The following MCTP1 variants were observed in gnomAD, a reference collection of about 807,000 sequenced individuals.
MCTP1 encodes the protein multiple C2 and transmembrane domain containing 1, also known as multiple C2 and transmembrane domain-containing protein 1.
In MCTP1, 69 loss-of-function variants were observed where a neutral mutation model predicts 120.6. That is an observed-to-expected ratio of 0.57 (90% CI 0.47 to 0.70). The LOEUF (loss-of-function observed/expected upper bound fraction) is 0.70. MCTP1 is among the 30% of genes least tolerant of loss of function. The pLI, the probability that MCTP1 is intolerant of heterozygous loss-of-function variation, is 0.00. For synonymous variants in MCTP1, 529 were observed against 493.1 expected, an observed-to-expected ratio of 1.07 and a Z score of -0.96; for missense variants, 1,203 against 1,248.8, an observed-to-expected ratio of 0.96 and a Z score of 0.55.
chr5:94,953,370 TAG>T lies in MCTP1; in HGVS notation c.839-11_839-10del, dbSNP rs777645904. The T allele has an allele frequency of 1.3e-6, 2 of 1,584,522 alleles. No individual in the cohort carries two copies. The highest frequency in any genetic ancestry group is 4.6e-5 in the East Asian group (2 of 43,862). On this transcript the variant is annotated splice_polypyrimidine_tract_variant and intron_variant, in intron 2 of 22. Transcript: ENST00000515393. ...ATATGGATCACTCGTCCCTGTTAAA[TAG>T]ATAGATTGATCCATGTTAATCATGA...
At chr5:94,760,431 AT>A (rs1375092210) in intron 19 of MCTP1, among the ~76,000 whole-genome samples, 1 of 152,222 alleles carries the variant, frequency 6.6e-6, no homozygotes, top group African/African-American at 2.4e-5. Context: ...ATATTCGTTT[AT>A]CATATTGCCT....
chr5:95,135,282 G>A (rs929447204), intron 1 of MCTP1, among the ~76,000 whole-genome samples: 2 of 152,062 alleles, frequency 1.3e-5, no homozygotes, highest in Non-Finnish European at 1.5e-5. Flanking sequence ...CACAAAGAAA[G>A]AAAGAAAAAT....
At chr5:94,978,269 A>G (rs1828559750) in intron 2 of MCTP1, among the ~76,000 whole-genome samples, 1 of 152,150 alleles carries the variant, frequency 6.6e-6, no homozygotes, top group Non-Finnish European at 1.5e-5. Context: ...AAAATGGTGC[A>G]GTTACTGTGG....
intron 1 of MCTP1, among the ~76,000 whole-genome samples, chr5:95,243,046 C>T (rs184553628): frequency 2.3e-4 from 35 of 152,220 alleles, no homozygotes; most frequent in Middle Eastern, 3.4e-3. Context: ...AGGAGGGACA[C>T]AGAGACATGA....
At chr5:95,162,435 G>C (rs1463087202) in intron 1 of MCTP1, among the ~76,000 whole-genome samples, 1 of 152,142 alleles carries the variant, frequency 6.6e-6, no homozygotes, top group East Asian at 1.9e-4. Context: ...CTGTTAAATG[G>C]AAGAAAAGTC....
intron 11 of MCTP1, 23 bp downstream of exon 11, chr5:94,894,626 A>G: frequency 6.6e-7 from 1 of 1,521,600 alleles, no homozygotes; most frequent in Non-Finnish European, 9.0e-7. Flanking sequence ...GTGTCTCTGG[A>G]AGGAGGAGGG....
At chr5:94,772,371 C>T (rs1774288182) in intron 19 of MCTP1, among the ~76,000 whole-genome samples, 1 of 152,176 alleles carries the variant, frequency 6.6e-6, no homozygotes, top group Non-Finnish European at 1.5e-5. Flanking sequence ...TTCCTTCTTG[C>T]CATAAAGGTC....
At chr5:94,740,700 G>A (rs1217970826) in intron 19 of MCTP1, among the ~76,000 whole-genome samples, 1 of 152,122 alleles carries the variant, frequency 6.6e-6, no homozygotes, top group Non-Finnish European at 1.5e-5. Context: ...TTGGTCAGTC[G>A]GTCCATATTT....
chr5:95,198,910 A>G (rs1750689034), intron 1 of MCTP1, among the ~76,000 whole-genome samples: 1 of 152,240 alleles, frequency 6.6e-6, no homozygotes, highest in South Asian at 2.1e-4. Flanking sequence ...TATTCAAAGT[A>G]AAAACTAAAA....
At chr5:95,006,666 C>T (rs1242497243) in intron 2 of MCTP1, among the ~76,000 whole-genome samples, 1 of 152,060 alleles carries the variant, frequency 6.6e-6, no homozygotes, top group Non-Finnish European at 1.5e-5. Context: ...TTAAAGGCTG[C>T]ATAAATCAAA....
At chr5:95,001,415 G>A (rs146877702) in intron 2 of MCTP1, among the ~76,000 whole-genome samples, 419 of 152,238 alleles carry the variant, frequency 2.8e-3, no homozygotes, top group Middle Eastern at 6.8e-3. Context: ...GTTTAGAACC[G>A]CCTGAAGACT....
intron 1 of MCTP1, chr5:95,154,092 A>C (rs1261966337): frequency 6.6e-6 from 1 of 152,248 alleles, no homozygotes; most frequent in Non-Finnish European, 1.5e-5. Flanking sequence ...GTATAACTAC[A>C]TGTAGGAAGC....
rs1749067994 is a variant in MCTP1, at chr5:95,061,408, G to GTTGTTT, written c.721-43925_721-43924insAAACAA. Among the ~76,000 whole-genome samples, 32 of 33,476 alleles carry GTTGTTT rather than the reference G, an allele frequency of 9.6e-4. 1 individual carries two copies. The highest frequency in any genetic ancestry group is 1.4e-3 in the East Asian group (2 of 1,382). The allele number at this position is 33,476 out of a possible 152,430, so 22.0% of individuals were successfully genotyped here. A position where few individuals can be genotyped will look rare whatever the true frequency, so the allele number is the denominator to read the frequency against. On this transcript the variant is annotated intron_variant, in intron 1 of 22. Coordinates refer to ENST00000515393, the MANE Select transcript of MCTP1 (RefSeq NM_024717.7). ...ATCAATTTTCACAAACCCCTTAAGG[G>GTTGTTT]TTTTTTTTTTTTTTTTTTTTTTTTT...
chr5:94,903,042 T>A (rs1805921100), intron 10 of MCTP1, among the ~76,000 whole-genome samples: 2 of 152,236 alleles, frequency 1.3e-5, no homozygotes, highest in South Asian at 4.1e-4. Context: ...TAATATATTT[T>A]GTTTAGGTTG....
intron 1 of MCTP1, among the ~76,000 whole-genome samples, chr5:95,177,680 G>A (rs1748166985): frequency 6.6e-6 from 1 of 152,188 alleles, no homozygotes; most frequent in South Asian, 2.1e-4. Flanking sequence ...TTCGTTATTT[G>A]CATAGTGATT....
chr5:95,167,742 T>C (rs182256800), intron 1 of MCTP1, among the ~76,000 whole-genome samples: 229 of 152,360 alleles, frequency 1.5e-3, no homozygotes, highest in African/African-American at 5.1e-3. Flanking sequence ...CTTTGCCCAC[T>C]TGTAGATGGG....
chr5:95,121,249 G>T (rs1758210898), intron 1 of MCTP1, among the ~76,000 whole-genome samples: 1 of 121,468 alleles, frequency 8.2e-6, no homozygotes, highest in Non-Finnish European at 1.6e-5. Flanking sequence ...CTGCACTCCA[G>T]CCTGGGTGAC....
intron 3 of MCTP1, among the ~76,000 whole-genome samples, chr5:94,947,952 A>T (rs1819541175): frequency 6.6e-6 from 1 of 152,070 alleles, no homozygotes; most frequent in African/African-American, 2.4e-5. Context: ...TTAAAGGCCT[A>T]ACCCATCTCA....
chr5:95,228,294 T>C (rs1420385862), intron 1 of MCTP1, among the ~76,000 whole-genome samples: 1 of 152,204 alleles, frequency 6.6e-6, no homozygotes, highest in Non-Finnish European at 1.5e-5. Context: ...TGTAACAAGC[T>C]AAATTTTATA....
Sources: allele counts gnomAD v4.1 joint callset (sites outside exome capture counted in the v4.1 genomes callset), GRCh38; gene constraint gnomAD v4.1.1; transcripts MANE v1.5; gene names NCBI Gene and HGNC (gene_info 2026-07-23, HGNC 2026-07-21).